The following TMEM91 variants were observed in gnomAD, a reference collection of about 807,000 sequenced individuals.
The protein encoded by TMEM91 is dispanin subfamily C member 3.
A neutral mutation model predicts 13.3 loss-of-function variants in TMEM91; 6 were observed. That is an observed-to-expected ratio of 0.45 (90% CI 0.25 to 0.89). The LOEUF (loss-of-function observed/expected upper bound fraction) is 0.89, where lower values mean the gene tolerates loss of function less well. Among genes scored for constraint, TMEM91 ranks in the 40% least tolerant of loss-of-function variants. TMEM91 has a pLI of 0.19. For synonymous variants in TMEM91, 87 were observed against 101.7 expected (o/e 0.86, Z 0.87); for missense variants, 193 against 228.7 (o/e 0.84, Z 1.01).
chr19:41,371,543 C>A (rs1020816853), upstream of TMEM91, among the ~76,000 whole-genome samples: 4 of 151,910 alleles, frequency 2.6e-5, no homozygotes, highest in African/African-American at 9.7e-5. Context: ...CCTCAGCCTC[C>A]CGAGTAGCTG....
chr19:41,364,538 G>A (rs1409515736), intron 1 of TMEM91, among the ~76,000 whole-genome samples: 1 of 151,904 alleles, frequency 6.6e-6, no homozygotes, highest in Non-Finnish European at 1.5e-5. Flanking sequence ...CCTTGTAACT[G>A]GAAAACAAAG....
chr19:41,383,497 T>C, intron 3 of TMEM91: 1 of 1,433,076 alleles, frequency 7.0e-7, no homozygotes, highest in Non-Finnish European at 9.2e-7. Context: ...TGTTTTTATT[T>C]ATTTTTTAAA....
In TMEM91 at chr19:41,378,528, C is replaced by T. The variant is rs1416633997; in HGVS notation, c.210+9C>T. Reference sequence around the variant, plus strand: ...GGCCCCCTGATGTTGAGGTAGGAAACAGCAGGCCTTAGTGGAAGGCACGGG... The same window carrying T: ...GGCCCCCTGATGTTGAGGTAGGAAATAGCAGGCCTTAGTGGAAGGCACGGG... On this transcript the variant is annotated intron_variant, in intron 2 of 3. Coordinates refer to ENST00000392002, the MANE Select transcript of TMEM91 (RefSeq NM_001098821.2). 6.2e-7 allele frequency: 1 copy of T among 1,613,958 alleles called. No individual in the cohort carries two copies. The highest frequency in any genetic ancestry group is 2.2e-5 in the East Asian group (1 of 44,874).
At chr19:41,375,937 C>T (rs2038708904), upstream of TMEM91, among the ~76,000 whole-genome samples, 1 of 152,012 alleles carries the variant, frequency 6.6e-6, no homozygotes, top group South Asian at 2.1e-4. Flanking sequence ...ACCTGACCAA[C>T]ACAGCGAAAT....
intron 2 of TMEM91, among the ~76,000 whole-genome samples, chr19:41,381,487 A>C (rs938032838): frequency 6.6e-6 from 1 of 151,570 alleles, no homozygotes; most frequent in African/African-American, 2.4e-5. Flanking sequence ...CAGCCTCCAG[A>C]GTAGCTGGGA....
intron 1 of TMEM91, 141 bp from the exon 2 acceptor site, chr19:41,378,140 G>A (rs1274977349): frequency 8.2e-6 from 5 of 612,916 alleles, no homozygotes; most frequent in Non-Finnish European, 1.4e-5. Flanking sequence ...TTCTCTCTGG[G>A]CCTCAGCTTC....
At chr19:41,375,662 A>G (rs1281069369), upstream of TMEM91, among the ~76,000 whole-genome samples, 1 of 151,126 alleles carries the variant, frequency 6.6e-6, no homozygotes, top group Non-Finnish European at 1.5e-5. Flanking sequence ...AAACACCCCA[A>G]AACAAAATAG....
chr19:41,382,736 A>G, intron 2 of TMEM91, 36 bp from the exon 3 acceptor site: 1 of 1,600,344 alleles, frequency 6.2e-7, no homozygotes, highest in Non-Finnish European at 8.5e-7. Flanking sequence ...GGAAAGGTGG[A>G]TGGAGATGCC....
chr19:41,375,207 T>TGGGCTTG (rs1379516421), upstream of TMEM91, among the ~76,000 whole-genome samples: 2 of 150,644 alleles, frequency 1.3e-5, no homozygotes, highest in Non-Finnish European at 2.9e-5. Flanking sequence ...TACAATATGC[T>TGGGCTTG]GGGCTTGGTA....
At chr19:41,370,393 T>TTTTATTTATTTATTTATTTATTTATTTA (rs60423207) in intron 1 of TMEM91, among the ~76,000 whole-genome samples, 3 of 142,986 alleles carry the variant, frequency 2.1e-5, no homozygotes, top group Non-Finnish European at 3.0e-5. Context: ...TTTATTTTTA[T>TTTTATTTATTTATTTATTTATTTATTTA]TTTATTTATT....
intron 2 of TMEM91, among the ~76,000 whole-genome samples, chr19:41,380,405 G>A (rs1010812637): frequency 5.3e-5 from 8 of 152,158 alleles, no homozygotes; most frequent in Non-Finnish European, 1.2e-4. Flanking sequence ...AGTGAGTCAT[G>A]AGCCTGCTCA....
intron 1 of TMEM91, among the ~76,000 whole-genome samples, chr19:41,364,427 G>A (rs1444684542): frequency 2.6e-5 from 4 of 151,820 alleles, no homozygotes; most frequent in Admixed American, 2.6e-4. Flanking sequence ...TCCGTGCTGC[G>A]CCTACCCCAC....
intron 1 of TMEM91, among the ~76,000 whole-genome samples, chr19:41,369,184 GT>G (rs2038574401): frequency 6.6e-6 from 1 of 151,994 alleles, no homozygotes; most frequent in Non-Finnish European, 1.5e-5. Context: ...TTTTGTTGTT[GT>G]TGTTGTTTTG....
At chr19:41,366,241 C>G (rs372610161) in intron 1 of TMEM91, among the ~76,000 whole-genome samples, 51 of 151,978 alleles carry the variant, frequency 3.4e-4, no homozygotes, top group African/African-American at 1.2e-3. Flanking sequence ...TCTAACCTTT[C>G]AGCTCTTGGG....
At chr19:41,367,403 C>T (rs529494285) in intron 1 of TMEM91, among the ~76,000 whole-genome samples, 4 of 151,948 alleles carry the variant, frequency 2.6e-5, no homozygotes, top group East Asian at 2.0e-4. Context: ...GAGGTTGAGG[C>T]GGGCAAATCA....
chr19:41,364,835 C>T (rs1304045496), intron 1 of TMEM91, among the ~76,000 whole-genome samples: 1 of 151,832 alleles, frequency 6.6e-6, no homozygotes, highest in Non-Finnish European at 1.5e-5. Flanking sequence ...CCCTGGATGC[C>T]ATCCTAGATG....
intron 1 of TMEM91, among the ~76,000 whole-genome samples, chr19:41,367,862 T>C (rs1044181324): frequency 2.6e-5 from 4 of 152,108 alleles, no homozygotes; most frequent in African/African-American, 9.6e-5. Flanking sequence ...CTCAAACTCC[T>C]GGGCTCAAGT....
chr19:41,367,709 C>G (rs577744398), intron 1 of TMEM91, among the ~76,000 whole-genome samples: 1 of 152,336 alleles, frequency 6.6e-6, no homozygotes, highest in African/African-American at 2.4e-5. Context: ...TCACAGCTCA[C>G]TGCAGCCTCG....
Position 41,378,478 on chromosome 19 carries a change from G to A in TMEM91, c.169G>A (p.Val57Met), listed in dbSNP as rs374369488. ...LQFLSPPLPS[V>M]SAGLGEPRPP... is the part of the protein sequence containing the mutation. ...GTTCCTGTCACCGCCTCTTCCCTCC[G>A]TGAGCGCTGGCCTGGGGGAACCAAG... The change falls in exon 2 of 4, where the codon GTG becomes ATG. Residue 57 changes from valine (V) to methionine (M), a missense_variant. Coordinates refer to ENST00000392002, the MANE Select transcript of TMEM91 (RefSeq NM_001098821.2). 25 of 1,613,990 alleles carry A rather than the reference G, an allele frequency of 1.5e-5. No individual in the cohort carries two copies. The highest frequency in any genetic ancestry group is 4.4e-5 in the South Asian group (4 of 91,086).
Sources: allele counts gnomAD v4.1 joint callset (sites outside exome capture counted in the v4.1 genomes callset), GRCh38; gene constraint gnomAD v4.1.1; transcripts MANE v1.5; gene names NCBI Gene and HGNC (gene_info 2026-07-23, HGNC 2026-07-21).